The following FAM237A variants were observed in gnomAD, a reference collection of about 807,000 sequenced individuals.
The protein encoded by FAM237A is protein FAM237A.
A neutral mutation model predicts 12.5 loss-of-function variants in FAM237A; 14 were observed. That is an observed-to-expected ratio of 1.12 (90% CI 0.74 to 1.75). FAM237A has a LOEUF of 1.75. FAM237A is among the 40% of genes most tolerant of loss of function. The pLI is 0.00. For missense variants in FAM237A, 240 were observed against 211.7 expected, an observed-to-expected ratio of 1.13 and a Z score of -0.83; for synonymous variants, 85 against 77.5, an observed-to-expected ratio of 1.10 and a Z score of -0.51.
intron 2 of FAM237A, among the ~76,000 whole-genome samples, chr2:206,645,898 A>C (rs1699311589): frequency 6.6e-6 from 1 of 152,202 alleles, no homozygotes; most frequent in South Asian, 2.1e-4. Flanking sequence ...CCATATTTTT[A>C]AAATATTTTG....
At chr2:206,645,119 A>C (rs1393818231) in intron 2 of FAM237A, among the ~76,000 whole-genome samples, 6 of 152,234 alleles carry the variant, frequency 3.9e-5, no homozygotes. Flanking sequence ...GCTTTCATGT[A>C]AATAGAGAGG....
chr2:206,647,526 C>G (rs548804971), intron 2 of FAM237A, among the ~76,000 whole-genome samples: 2 of 151,814 alleles, frequency 1.3e-5, no homozygotes, highest in African/African-American at 4.8e-5. Context: ...GTTGAAGTAT[C>G]CAAGAGAAGG....
chr2:206,643,423 G>A (rs1699278302), intron 1 of FAM237A: 1 of 152,058 alleles, frequency 6.6e-6, no homozygotes. Flanking sequence ...GTCCGAAGTG[G>A]TAACAAAAGA....
At chr2:206,647,700 A>T (rs1192996553) in intron 2 of FAM237A, among the ~76,000 whole-genome samples, 1 of 150,706 alleles carries the variant, frequency 6.6e-6, no homozygotes, top group Non-Finnish European at 1.5e-5. Flanking sequence ...GAGCATACTG[A>T]TGACTCCCAA....
In FAM237A at chr2:206,644,273, C is replaced by A; in HGVS notation, c.37C>A (p.Pro13Thr). Reference protein sequence around the residue: ...DPGNRGGIHRPLSFTCSLLIV... With the variant: ...DPGNRGGIHRTLSFTCSLLIV... The stretch of plus-strand genomic sequence containing the variant: ...TGGGAACAGAGGAGGGATCCACCGC[C>A]CCTTGAGCTTCACCTGCTCCCTGCT... Residue 13 changes from proline to threonine, a missense_variant, in exon 2 of 3, where the codon CCC becomes ACC. Coordinates refer to ENST00000441223, the MANE Select transcript of FAM237A (RefSeq NM_001102659.3). 1 of 1,611,112 alleles carries A rather than the reference C, an allele frequency of 6.2e-7. No individual in the cohort carries two copies. The highest frequency in any genetic ancestry group is 2.2e-5 in the East Asian group (1 of 44,860).
intron 2 of FAM237A, among the ~76,000 whole-genome samples, 194 bp downstream of exon 2, chr2:206,644,842 A>G (rs1213136510): frequency 6.6e-6 from 1 of 152,244 alleles, no homozygotes; most frequent in East Asian, 1.9e-4. Context: ...AGCTGTTTAT[A>G]TCAACATATT....
chr2:206,644,349 A>T lies in FAM237A; in HGVS notation c.113A>T (p.Asp38Val). ...CCTTTCTTCTGCCATAGCCAGACAG[A>T]CTTGCTGGCTCTTAGCCAAGCTGAT... ...VSPFFCHSQT[D>V]LLALSQADPQ... Residue 38 changes from aspartate (D) to valine (V), a missense_variant, in exon 2 of 3, where the codon GAC (aspartate) becomes GTC (valine). Coordinates refer to ENST00000441223, the MANE Select transcript of FAM237A (RefSeq NM_001102659.3). 1 of 1,613,626 alleles carries T rather than the reference A, an allele frequency of 6.2e-7. No homozygotes were observed. The highest frequency in any genetic ancestry group is 8.5e-7 in the Non-Finnish European group (1 of 1,179,720).
At chr2:206,643,236 T>C (rs1279770909) in intron 1 of FAM237A, among the ~76,000 whole-genome samples, 1 of 152,226 alleles carries the variant, frequency 6.6e-6, no homozygotes, top group East Asian at 1.9e-4. Context: ...TTTGGAAATA[T>C]AATACAAACC....
chr2:206,645,010 G>A (rs1699301374), intron 2 of FAM237A, among the ~76,000 whole-genome samples: 1 of 152,178 alleles, frequency 6.6e-6, no homozygotes, highest in Non-Finnish European at 1.5e-5. Context: ...GTCATAACCT[G>A]ATGTTTACTT....
In FAM237A at chr2:206,644,346, C is replaced by T. The variant is rs1281041961; in HGVS notation, c.110C>T (p.Thr37Ile). 12 of 1,613,638 alleles carry T rather than the reference C, an allele frequency of 7.4e-6. No individual in the cohort carries two copies. Among genetic ancestry groups the T allele is most frequent in the East Asian group, 2.2e-5 (1 of 44,874 alleles). ...TCTCCTTTCTTCTGCCATAGCCAGA[C>T]AGACTTGCTGGCTCTTAGCCAAGCT... ...CVSPFFCHSQ[T>I]DLLALSQADP... Residue 37 changes from threonine to isoleucine, a missense_variant, in exon 2 of 3, where the codon ACA becomes ATA. Coordinates refer to ENST00000441223, the MANE Select transcript of FAM237A (RefSeq NM_001102659.3).
intron 2 of FAM237A, among the ~76,000 whole-genome samples, chr2:206,645,345 A>G (rs1361171172): frequency 6.6e-6 from 1 of 152,222 alleles, no homozygotes; most frequent in Non-Finnish European, 1.5e-5. Context: ...GGGTACAGAA[A>G]AAAAGTCCCT....
chr2:206,643,552 CAG>C (rs1273454776), intron 1 of FAM237A: 1 of 151,974 alleles, frequency 6.6e-6, no homozygotes, highest in Non-Finnish European at 1.5e-5. Flanking sequence ...ATAGCAAGAA[CAG>C]AGAGATTATA....
At chr2:206,646,234 C>T (rs565758104) in intron 2 of FAM237A, among the ~76,000 whole-genome samples, 7 of 151,198 alleles carry the variant, frequency 4.6e-5, no homozygotes, top group East Asian at 1.9e-4. Context: ...ACCCGGGAGG[C>T]GGAGCTTGCA....
chr2:206,644,504 C>T lies in FAM237A; in HGVS notation c.268C>T (p.Leu90=). The T allele has an allele frequency of 1.2e-6, 2 of 1,614,010 alleles. No individual in the cohort carries two copies. Among genetic ancestry groups the T allele is most frequent in the South Asian group, 1.1e-5 (1 of 91,084 alleles). ...KSSENLKHGA[L]FWDLAQLFWD... Reference sequence around the variant, plus strand: ...ATCTGAGAACTTGAAGCATGGAGCACTGTTTTGGGATCTGGCCCAACTCTT... The same window carrying T: ...ATCTGAGAACTTGAAGCATGGAGCATTGTTTTGGGATCTGGCCCAACTCTT... Residue 90 remains leucine (L), a synonymous_variant, in exon 2 of 3, where the codon CTG becomes TTG. Transcript: ENST00000441223.
intron 2 of FAM237A, among the ~76,000 whole-genome samples, chr2:206,648,440 A>C (rs1442473309): frequency 6.6e-6 from 1 of 152,182 alleles, no homozygotes; most frequent in African/African-American, 2.4e-5. Context: ...AAATGTACTT[A>C]TTATAATGTA....
Position 206,644,731 on chromosome 2 carries a change from T to C in FAM237A, c.412+83T>C. 3.8e-6 allele frequency: 5 copies of C among 1,323,272 alleles called. No homozygotes were observed. In the South Asian group the frequency reaches 7.8e-5, roughly 21 times the overall value. The allele number at this position is 1,323,272 out of a possible 1,614,324, so 82.0% of individuals were successfully genotyped here. A position where few individuals can be genotyped will look rare whatever the true frequency, so the allele number is the denominator to read the frequency against. On this transcript the variant is annotated intron_variant, in intron 2 of 2. Transcript: ENST00000441223. ...AATTGTGAGGAAGAGGGAAATGGCA[T>C]TAGGGGAATCCAGTGTCATATATAT...
chr2:206,644,487 A>C lies in FAM237A; in HGVS notation c.251A>C (p.Asn84Thr), dbSNP rs1191376588. 1.2e-6 allele frequency: 2 copies of C among 1,613,990 alleles called. No individual in the cohort carries two copies. Among genetic ancestry groups the C allele is most frequent in the Non-Finnish European group, 1.7e-6 (2 of 1,179,880 alleles). Residue 84 changes from asparagine (N) to threonine (T), a missense_variant, in exon 2 of 3, where the codon AAC (asparagine) becomes ACC (threonine). Asn to Thr is a moderately conservative substitution (Grantham distance 65). Transcript: ENST00000441223. ...DFMIYLKSSENLKHGALFWDL... is the reference protein window; with the variant it reads ...DFMIYLKSSETLKHGALFWDL... ...ATGATCTACCTGAAGTCATCTGAGA[A>C]CTTGAAGCATGGAGCACTGTTTTGG...
At position 206,644,226 on chromosome 2, in the gene FAM237A, G is replaced by T; in HGVS notation, c.-10-1G>T. ...ATAAGAAATATTTCCATCCTGTGCA[G>T]TTTTAGGGCCATGGCTGATCCTGGG... On this transcript the variant is annotated splice_acceptor_variant, in intron 1 of 2. Transcript: ENST00000441223. LOFTEE classifies it low-confidence loss of function (5UTR_SPLICE). 6.3e-7 allele frequency: 1 copy of T among 1,582,848 alleles called. No homozygotes were observed. Among genetic ancestry groups the T allele is most frequent in the Non-Finnish European group, 8.6e-7 (1 of 1,164,904 alleles).
intron 2 of FAM237A, among the ~76,000 whole-genome samples, chr2:206,645,644 C>A (rs1699308566): frequency 6.6e-6 from 1 of 152,036 alleles, no homozygotes; most frequent in South Asian, 2.1e-4. Context: ...CTAGTGCTAC[C>A]CTTTCCCAAG....
Sources: allele counts gnomAD v4.1 joint callset (sites outside exome capture counted in the v4.1 genomes callset), GRCh38; gene constraint gnomAD v4.1.1; transcripts MANE v1.5; gene names NCBI Gene and HGNC (gene_info 2026-07-23, HGNC 2026-07-21).